KLF12: variants seen among roughly 807,000 people sequenced by gnomAD.
KLF12 encodes Krueppel-like factor 12.
A neutral mutation model predicts 37.8 loss-of-function variants in KLF12; 9 were observed. That is an observed-to-expected ratio of 0.24 (90% CI 0.14 to 0.42). The LOEUF (loss-of-function observed/expected upper bound fraction) is 0.42. Ranked by LOEUF, KLF12 falls within the 10% of genes least tolerant of loss-of-function variation. The probability of loss-of-function intolerance (pLI) is 1.00; values close to 1 mark genes in which losing one functional copy is unlikely to be tolerated. For synonymous variants in KLF12, 208 were observed against 202.1 expected, an observed-to-expected ratio of 1.03 and a Z score of -0.25; for missense variants, 411 against 516.0, an observed-to-expected ratio of 0.80 and a Z score of 1.97.
intron 3 of KLF12, among the ~76,000 whole-genome samples, chr13:73,924,447 T>C (rs1057176637): frequency 3.3e-5 from 5 of 152,192 alleles, no homozygotes; most frequent in Non-Finnish European, 7.3e-5. Context: ...TGATCAGTGA[T>C]CTTTGATGTA....
chr13:73,841,585 C>T (rs1884736614), intron 4 of KLF12, among the ~76,000 whole-genome samples: 1 of 152,232 alleles, frequency 6.6e-6, no homozygotes, highest in Middle Eastern at 3.4e-3. Context: ...AAATGTGCCA[C>T]AAACTTACCC....
At chr13:74,060,496 G>GTGTGTGTC (rs1344933853) in intron 1 of KLF12, among the ~76,000 whole-genome samples, 2 of 141,946 alleles carry the variant, frequency 1.4e-5, no homozygotes, top group African/African-American at 5.5e-5. Flanking sequence ...GTGTGTGTGT[G>GTGTGTGTC]TGTGTGTGTG....
At chr13:73,908,864 G>A (rs1423951280) in intron 3 of KLF12, among the ~76,000 whole-genome samples, 2 of 152,144 alleles carry the variant, frequency 1.3e-5, no homozygotes, top group South Asian at 4.1e-4. Context: ...AAAGAAATAA[G>A]TTCATGATTG....
intron 3 of KLF12, among the ~76,000 whole-genome samples, chr13:73,903,230 G>A (rs1392840421): frequency 1.3e-5 from 2 of 152,002 alleles, no homozygotes. Context: ...TTGTCTGTGT[G>A]GCATCTGTGT....
the KLF12 span, among the ~76,000 whole-genome samples, chr13:74,188,037 T>C: frequency 1.3e-5 from 2 of 152,236 alleles, no homozygotes; most frequent in Non-Finnish European, 2.9e-5. Flanking sequence ...TTTGTTCTTA[T>C]TATGTAGAAC....
intron 3 of KLF12, among the ~76,000 whole-genome samples, chr13:73,907,710 T>A (rs1406610877): frequency 6.6e-6 from 1 of 152,216 alleles, no homozygotes; most frequent in East Asian, 1.9e-4. Context: ...ACAATGTCAG[T>A]GCAGGGCTCA....
chr13:73,790,131 G>A (rs192240180), intron 5 of KLF12, among the ~76,000 whole-genome samples: 138 of 152,190 alleles, frequency 9.1e-4, no homozygotes, highest in East Asian at 3.1e-3. Flanking sequence ...TTTCCAATTC[G>A]CTGTTCACAT....
At chr13:74,293,814 T>C in the KLF12 span, among the ~76,000 whole-genome samples, 11 of 152,208 alleles carry the variant, frequency 7.2e-5, no homozygotes, top group East Asian at 1.9e-3. Context: ...GCTGCTTCTT[T>C]TTCTAGAAAC....
At chr13:73,813,751 C>G (rs1212374980) in intron 4 of KLF12, among the ~76,000 whole-genome samples, 1 of 152,164 alleles carries the variant, frequency 6.6e-6, no homozygotes, top group Non-Finnish European at 1.5e-5. Context: ...AAGAACAGGG[C>G]TTGCGTGACT....
chr13:74,031,699 A>C (rs1176495476), intron 1 of KLF12, among the ~76,000 whole-genome samples: 1 of 152,058 alleles, frequency 6.6e-6, no homozygotes, highest in Non-Finnish European at 1.5e-5. Flanking sequence ...ATCATGATAG[A>C]TATTCCATGT....
chr13:74,066,959 T>C (rs962987224), intron 1 of KLF12, among the ~76,000 whole-genome samples: 8 of 152,096 alleles, frequency 5.3e-5, no homozygotes, highest in African/African-American at 1.7e-4. Context: ...AAGATAAACA[T>C]CTGCTAAGGA....
intron 4 of KLF12, among the ~76,000 whole-genome samples, chr13:73,843,452 C>T (rs1353929171): frequency 6.6e-6 from 1 of 151,974 alleles, no homozygotes; most frequent in Non-Finnish European, 1.5e-5. Flanking sequence ...GGATTACAGG[C>T]GTGCGCCACC....
intron 6 of KLF12, among the ~76,000 whole-genome samples, chr13:73,723,240 T>C (rs552309803): frequency 5.0e-4 from 76 of 152,336 alleles, no homozygotes; most frequent in African/African-American, 1.8e-3. Flanking sequence ...AGAGTATCTA[T>C]TCAAAATAGC....
intron 6 of KLF12, among the ~76,000 whole-genome samples, chr13:73,750,948 C>T (rs183058230): frequency 1.6e-3 from 238 of 152,204 alleles, no homozygotes; most frequent in African/African-American, 5.5e-3. Context: ...GGGCCTCATA[C>T]GTAGTGTTAA....
chr13:74,052,045 AG>A lies in KLF12; in HGVS notation c.-31-56993del, dbSNP rs1872957064. Among the ~76,000 whole-genome samples the A allele has an allele frequency of 2.0e-5, 3 of 152,220 alleles. No individual in the cohort carries two copies. The South Asian group carries it at 6.2e-4, about 32-fold the overall frequency. On this transcript the variant is annotated intron_variant, in intron 1 of 7. Coordinates refer to ENST00000377669, the MANE Select transcript of KLF12 (RefSeq NM_007249.5). ...TCAATAAACATAAAATGAAACTTAA[AG>A]AAAAAAAAAGAAGATAAAGATTCCA...
At chr13:74,120,189 T>G (rs530599492) in intron 1 of KLF12, among the ~76,000 whole-genome samples, 290 of 152,224 alleles carry the variant, frequency 1.9e-3, no homozygotes, top group Non-Finnish European at 3.1e-3. Flanking sequence ...CTGCAAGAAA[T>G]TATTTAAGTA....
chr13:74,036,555 G>GT (rs1281455511), intron 1 of KLF12, among the ~76,000 whole-genome samples: 1 of 152,184 alleles, frequency 6.6e-6, no homozygotes, highest in East Asian at 1.9e-4. Context: ...TGAGGATGTG[G>GT]TAAGATTTTT....
At chr13:74,081,729 C>G (rs1036362141) in intron 1 of KLF12, among the ~76,000 whole-genome samples, 1 of 152,174 alleles carries the variant, frequency 6.6e-6, no homozygotes, top group Non-Finnish European at 1.5e-5. Context: ...TCTTTGCATA[C>G]AGGCATGGAA....
intron 4 of KLF12, among the ~76,000 whole-genome samples, chr13:73,818,911 CAT>C (rs372166841): frequency 3.2e-4 from 48 of 152,338 alleles, no homozygotes; most frequent in Middle Eastern, 3.4e-3. Context: ...AAGGCTGAAA[CAT>C]GTCCCAGTTA....
Sources: allele counts gnomAD v4.1 joint callset (sites outside exome capture counted in the v4.1 genomes callset), GRCh38; gene constraint gnomAD v4.1.1; transcripts MANE v1.5; gene names NCBI Gene and HGNC (gene_info 2026-07-23, HGNC 2026-07-21).